The following PRDM1 variants were observed in gnomAD, a reference collection of about 807,000 sequenced individuals.
The protein encoded by PRDM1 is PR domain zinc finger protein 1.
A neutral mutation model predicts 62.8 loss-of-function variants in PRDM1; 13 were observed. The ratio of observed to expected loss-of-function variants is 0.21; its 90% confidence interval spans 0.13 to 0.33. The LOEUF (loss-of-function observed/expected upper bound fraction) is 0.33, where lower values mean the gene tolerates loss of function less well. PRDM1 is among the 10% of genes least tolerant of loss of function. PRDM1 has a pLI of 1.00. For synonymous variants in PRDM1, 396 were observed against 417.6 expected, an observed-to-expected ratio of 0.95 and a Z score of 0.63; for missense variants, 895 against 1,058.8, an observed-to-expected ratio of 0.85 and a Z score of 2.15.
At chr6:106,063,462 C>T (rs1773379445) in intron 1 of PRDM1, among the ~76,000 whole-genome samples, 1 of 152,126 alleles carries the variant, frequency 6.6e-6, no homozygotes, top group South Asian at 2.1e-4. Context: ...TTCAGGTATT[C>T]AGGAATTAGG....
intron 1 of PRDM1, among the ~76,000 whole-genome samples, chr6:105,996,169 A>C (rs1772346516): frequency 6.6e-6 from 1 of 152,214 alleles, no homozygotes; most frequent in African/African-American, 2.4e-5. Context: ...TCTTATAAAG[A>C]ATATGCTTAA....
chr6:106,049,646 A>G (rs1379474821), intron 1 of PRDM1, among the ~76,000 whole-genome samples: 1 of 152,036 alleles, frequency 6.6e-6, no homozygotes, highest in Non-Finnish European at 1.5e-5. Context: ...TGTGGCATCT[A>G]TCATTTCCTT....
chr6:106,102,837 G>A (rs1298504441), intron 4 of PRDM1, among the ~76,000 whole-genome samples: 1 of 152,106 alleles, frequency 6.6e-6, no homozygotes, highest in Non-Finnish European at 1.5e-5. Flanking sequence ...TATTCGAGCG[G>A]CATCGTTTTT....
Position 106,107,118 on chromosome 6 carries a change from G to A in PRDM1, c.2110G>A (p.Val704Ile), listed in dbSNP as rs990114374. 2 of 1,614,066 alleles carry A rather than the reference G, an allele frequency of 1.2e-6. No individual in the cohort carries two copies. The highest frequency in any genetic ancestry group is 1.7e-6 in the Non-Finnish European group (2 of 1,180,010). Residue 704 changes from valine to isoleucine, a missense_variant, in exon 7 of 7, where the codon GTT becomes ATT. This residue lies in a region of PRDM1 where 164 missense variants were observed against 179.9 expected (regional missense o/e 0.91). Coordinates refer to ENST00000369096, the MANE Select transcript of PRDM1 (RefSeq NM_001198.4). The stretch of plus-strand genomic sequence containing the variant: ...CTACATCCATCTCTGTAGCCTCAAG[G>A]TTCACCTGAAAGGGAACTGCGCTGC... Reference protein sequence around the residue: ...KNYIHLCSLKVHLKGNCAAAP... With the variant: ...KNYIHLCSLKIHLKGNCAAAP...
intron 1 of PRDM1, among the ~76,000 whole-genome samples, chr6:106,070,936 C>T (rs1582449613): frequency 6.6e-6 from 1 of 152,250 alleles, no homozygotes; most frequent in African/African-American, 2.4e-5. Context: ...CTTTGAACAA[C>T]CATGATTTGT....
At position 106,078,578 on chromosome 6, in the gene PRDM1, G is replaced by A. The variant is rs548217739; in HGVS notation, c.-66-9623G>A. On this transcript the variant is annotated intron_variant, in intron 1 of 6. Transcript: ENST00000651185. ...ATTCATGCAAAGGGAATAAACTTAA[G>A]TTAAACAGCATGGCTGGGCGCAGTG... 2.6e-5 allele frequency among the ~76,000 whole-genome samples: 4 copies of A among 152,308 alleles called. No individual in the cohort carries two copies. The South Asian group carries it at 8.3e-4, about 32-fold the overall frequency.
chr6:106,096,626 T>C (rs1774124173), intron 3 of PRDM1, among the ~76,000 whole-genome samples: 1 of 152,190 alleles, frequency 6.6e-6, no homozygotes, highest in Non-Finnish European at 1.5e-5. Flanking sequence ...TTAACAGTCA[T>C]ATGCAAGATG....
intron 1 of PRDM1, among the ~76,000 whole-genome samples, chr6:106,066,177 T>TAGGC (rs1461191595): frequency 6.6e-6 from 1 of 152,158 alleles, no homozygotes; most frequent in Non-Finnish European, 1.5e-5. Flanking sequence ...TGGTCATTAA[T>TAGGC]AGGCAAGCTT....
At chr6:106,020,200 C>T (rs1388731622) in intron 1 of PRDM1, among the ~76,000 whole-genome samples, 2 of 150,636 alleles carry the variant, frequency 1.3e-5, no homozygotes, top group Non-Finnish European at 3.0e-5. Flanking sequence ...AAAAAAAACC[C>T]ACAAACAAAC....
rs781316393 is a variant in PRDM1, at chr6:106,107,381, TTA to T, written c.2375_2376del (p.Tyr792Ter). On this transcript the variant is annotated frameshift_variant, in exon 7 of 7. Coordinates refer to ENST00000369096, the MANE Select transcript of PRDM1 (RefSeq NM_001198.4). LOFTEE classifies it high-confidence loss of function. ...GACTCCTCTCCTCAGGGTGCAGCCT[TTA>T]TGAGTCATCAGATCTACCCCTCATG... Reference protein sequence around the residue: ...NGLLSSGCSLYESSDLPLMKL... With the variant: ...NGLLSSGCSLXESSDLPLMKL... The T allele has an allele frequency of 6.2e-7, 1 of 1,613,830 alleles. No individual in the cohort carries two copies. The highest frequency in any genetic ancestry group is 1.7e-5 in the Admixed American group (1 of 59,974).
chr6:106,043,222 C>T (rs917247193), intron 1 of PRDM1, among the ~76,000 whole-genome samples: 3 of 152,150 alleles, frequency 2.0e-5, no homozygotes, highest in African/African-American at 7.2e-5. Context: ...ACCCAGTTTC[C>T]CTTCACTGTT....
intron 1 of PRDM1, among the ~76,000 whole-genome samples, chr6:106,015,111 G>C (rs1409115549): frequency 6.6e-6 from 1 of 152,156 alleles, no homozygotes. Flanking sequence ...CTCAAAGGTG[G>C]GGAGGTTGCG....
chr6:106,047,439 T>C (rs548224068), upstream of PRDM1, among the ~76,000 whole-genome samples: 170 of 152,336 alleles, frequency 1.1e-3, no homozygotes, highest in Admixed American at 2.0e-3. Flanking sequence ...GACAGACACA[T>C]GAATTGTGGG....
chr6:106,080,049 G>A (rs1303062321), intron 1 of PRDM1, among the ~76,000 whole-genome samples: 1 of 152,184 alleles, frequency 6.6e-6, no homozygotes, highest in African/African-American at 2.4e-5. Flanking sequence ...GCACATGCAG[G>A]TAGGCGCCAA....
intron 4 of PRDM1, among the ~76,000 whole-genome samples, chr6:106,104,168 C>A (rs1774360444): frequency 6.6e-6 from 1 of 151,934 alleles, no homozygotes; most frequent in South Asian, 2.1e-4. Flanking sequence ...ATGACAGGGT[C>A]CCCACCCCAG....
upstream of PRDM1, among the ~76,000 whole-genome samples, chr6:106,081,871 G>A (rs1274351569): frequency 6.6e-6 from 1 of 152,140 alleles, no homozygotes; most frequent in Non-Finnish European, 1.5e-5. Context: ...CCTGCACTGG[G>A]TCTTCTGCTG....
At chr6:106,058,753 G>A (rs1379757380) in intron 1 of PRDM1, among the ~76,000 whole-genome samples, 1 of 152,072 alleles carries the variant, frequency 6.6e-6, no homozygotes, top group Non-Finnish European at 1.5e-5. Context: ...TGTATTTTTA[G>A]TAGAGGCGGT....
At chr6:106,077,297 A>G (rs921817055) in intron 1 of PRDM1, among the ~76,000 whole-genome samples, 5 of 152,212 alleles carry the variant, frequency 3.3e-5, no homozygotes, top group Middle Eastern at 3.2e-3. Context: ...CACTGTGCTA[A>G]GGGCTGGGTT....
At chr6:106,023,338 CA>C in intron 1 of PRDM1, among the ~76,000 whole-genome samples, 1 of 152,082 alleles carries the variant, frequency 6.6e-6, no homozygotes, top group Admixed American at 6.5e-5. Context: ...TAGTGTTTAA[CA>C]GTGGTTTAAA....
Sources: gnomAD v4.1 joint callset for allele counts (sites outside exome capture counted in the v4.1 genomes callset) on GRCh38, gnomAD v4.1.1 for gene constraint, gnomAD v4.1.1 regional missense constraint, MANE v1.5 for transcripts, NCBI Gene and HGNC (gene_info 2026-07-23, HGNC 2026-07-21) for gene names.